Variants in ACYP2 observed in about 807,000 individuals in gnomAD.
ACYP2 encodes acylphosphatase 2, also known as acylphosphatase-2.
Under a neutral mutation model 11.2 loss-of-function variants are expected in ACYP2, and 12 were observed. The ratio of observed to expected loss-of-function variants is 1.08; its 90% CI spans 0.69 to 1.74. The LOEUF is 1.74. Among genes scored for constraint, ACYP2 ranks in the 40% most tolerant of loss-of-function variants. ACYP2 has a pLI of 0.00. For synonymous variants in ACYP2, 43 were observed against 32.2 expected (o/e 1.33, Z -1.13); for missense variants, 134 against 101.9 (o/e 1.31, Z -1.35).
At chr2:54,010,499 G>T (rs2104535947) in intron 2 of ACYP2, among the ~76,000 whole-genome samples, 1 of 147,428 alleles carries the variant, frequency 6.8e-6, no homozygotes, top group East Asian at 2.0e-4. Flanking sequence ...AAAAAAAAAA[G>T]TCATGAACCA....
chr2:54,104,410 T>G (rs1679049023), intron 4 of ACYP2, among the ~76,000 whole-genome samples: 2 of 152,234 alleles, frequency 1.3e-5, no homozygotes, highest in Non-Finnish European at 2.9e-5. Flanking sequence ...AAAATTGGTG[T>G]GTAGTAAAAT....
intron 6 of ACYP2, among the ~76,000 whole-genome samples, chr2:54,213,876 T>A (rs1289721643): frequency 6.6e-6 from 1 of 151,810 alleles, no homozygotes; most frequent in Non-Finnish European, 1.5e-5. Context: ...CAAGCGATCC[T>A]CCTGCCTCAG....
chr2:54,020,382 AG>A (rs1274592328), intron 2 of ACYP2, among the ~76,000 whole-genome samples: 1 of 152,226 alleles, frequency 6.6e-6, no homozygotes, highest in Non-Finnish European at 1.5e-5. Flanking sequence ...CTCCTAAACA[AG>A]ATTTTAAAAT....
intron 3 of ACYP2, among the ~76,000 whole-genome samples, chr2:54,055,949 T>C (rs763148572): frequency 3.3e-5 from 5 of 152,194 alleles, no homozygotes; most frequent in Non-Finnish European, 7.4e-5. Context: ...TACTGTCAGA[T>C]ATAGTACCCC....
At chr2:54,117,304 T>A (rs1679866653) in intron 4 of ACYP2, among the ~76,000 whole-genome samples, 1 of 152,156 alleles carries the variant, frequency 6.6e-6, no homozygotes, top group Admixed American at 6.5e-5. Context: ...AATTTTATTT[T>A]TTTAAGAGAT....
chr2:54,282,312 G>A lies in ACYP2; in HGVS notation c.405-22376G>A, dbSNP rs539223210. Reference sequence around the variant, plus strand: ...AATGACCACCAAATCCCACCGTCACGGACGATGGGAAACTAAAATCAGCTT... The same window carrying A: ...AATGACCACCAAATCCCACCGTCACAGACGATGGGAAACTAAAATCAGCTT... On this transcript the variant is annotated intron_variant, in intron 6 of 6. Coordinates refer to ENST00000607452, the MANE Select transcript of ACYP2 (RefSeq NM_001320586.2). Among the ~76,000 whole-genome samples the A allele has an allele frequency of 7.9e-5, 12 of 152,206 alleles. No individual in the cohort carries two copies. In the South Asian group the frequency reaches 2.1e-3, roughly 26 times the overall value.
At chr2:53,976,145 A>G (rs1050540265) in intron 2 of ACYP2, among the ~76,000 whole-genome samples, 2 of 152,224 alleles carry the variant, frequency 1.3e-5, no homozygotes, top group Admixed American at 6.5e-5. Context: ...TTTTCTCTGT[A>G]TATATGATAT....
chr2:53,975,932 C>T (rs1456039538), intron 2 of ACYP2, among the ~76,000 whole-genome samples: 37 of 152,222 alleles, frequency 2.4e-4, no homozygotes, highest in Non-Finnish European at 1.0e-4. Flanking sequence ...AATCACTCTT[C>T]TTGCAAGACC....
At chr2:54,205,001 G>A (rs908250819) in intron 6 of ACYP2, among the ~76,000 whole-genome samples, 2 of 152,062 alleles carry the variant, frequency 1.3e-5, no homozygotes, top group East Asian at 1.9e-4. Context: ...TTGAGTTTTC[G>A]TAGTTATTCT....
intron 2 of ACYP2, among the ~76,000 whole-genome samples, chr2:53,995,521 T>C (rs1672534285): frequency 6.6e-6 from 1 of 151,264 alleles, no homozygotes; most frequent in Admixed American, 6.6e-5. Context: ...TATTTATTTT[T>C]GAGACAGAGT....
intron 4 of ACYP2, among the ~76,000 whole-genome samples, chr2:54,087,878 A>T (rs1291916749): frequency 6.6e-6 from 1 of 151,280 alleles, no homozygotes; most frequent in Non-Finnish European, 1.5e-5. Flanking sequence ...TACAAAGGAA[A>T]TTTTTCCAAG....
At chr2:54,266,262 C>T (rs1301132707) in intron 6 of ACYP2, among the ~76,000 whole-genome samples, 1 of 152,136 alleles carries the variant, frequency 6.6e-6, no homozygotes, top group Non-Finnish European at 1.5e-5. Flanking sequence ...ACAAGATCCA[C>T]CAACACACTC....
At chr2:54,227,622 CA>C (rs201968288) in intron 6 of ACYP2, among the ~76,000 whole-genome samples, 159 of 144,092 alleles carry the variant, frequency 1.1e-3, no homozygotes, top group East Asian at 2.4e-3. Context: ...GACTCCATTT[CA>C]AAAAAAAAAA....
At chr2:54,128,464 T>C (rs963253913) in intron 4 of ACYP2, among the ~76,000 whole-genome samples, 7 of 152,108 alleles carry the variant, frequency 4.6e-5, no homozygotes, top group African/African-American at 1.7e-4. Flanking sequence ...AGCCAGAAGT[T>C]TGAGACTAGC....
chr2:54,138,789 G>T, intron 6 of ACYP2, 41 bp downstream of exon 3: 1 of 1,548,356 alleles, frequency 6.5e-7, no homozygotes. Flanking sequence ...AAATTTATGA[G>T]GCTGCTGTTT....
At chr2:54,171,955 T>C (rs376892901) in intron 6 of ACYP2, among the ~76,000 whole-genome samples, 237 of 152,276 alleles carry the variant, frequency 1.6e-3, no homozygotes, top group African/African-American at 5.5e-3. Flanking sequence ...GGTTCACACC[T>C]GTAATCCTAC....
chr2:54,021,644 A>G (rs1159325809), intron 2 of ACYP2, among the ~76,000 whole-genome samples: 2 of 152,258 alleles, frequency 1.3e-5, no homozygotes, highest in African/African-American at 4.8e-5. Context: ...TCCAAGCCAC[A>G]GTAGCATTGT....
intron 2 of ACYP2, among the ~76,000 whole-genome samples, chr2:54,025,136 G>C (rs1674213096): frequency 6.6e-6 from 1 of 152,034 alleles, no homozygotes; most frequent in Non-Finnish European, 1.5e-5. Flanking sequence ...CTCCTGGATG[G>C]GTAGAATCAA....
At chr2:54,069,421 G>C (rs1384777678) in intron 4 of ACYP2, among the ~76,000 whole-genome samples, 1 of 152,092 alleles carries the variant, frequency 6.6e-6, no homozygotes, top group Non-Finnish European at 1.5e-5. Flanking sequence ...CCAGCACTTT[G>C]GGAGGCCGAG....
Sources: gnomAD v4.1 joint callset for allele counts (sites outside exome capture counted in the v4.1 genomes callset) on GRCh38, gnomAD v4.1.1 for gene constraint, MANE v1.5 for transcripts, NCBI Gene and HGNC (gene_info 2026-07-23, HGNC 2026-07-21) for gene names.